Variants in WDR27 observed in about 807,000 individuals in gnomAD.
WDR27 encodes the protein WD repeat-containing protein 27.
A neutral mutation model predicts 114.4 loss-of-function variants in WDR27; 100 were observed. That is an observed-to-expected ratio of 0.87 (90% confidence interval 0.74 to 1.03). The LOEUF is 1.03. Ranked by LOEUF, WDR27 falls within the 50% of genes least tolerant of loss-of-function variation. The pLI, the probability that WDR27 is intolerant of heterozygous loss-of-function variation, is 0.00. For missense variants in WDR27, 1,129 were observed against 1,092.9 expected (o/e 1.03, Z -0.47); for synonymous variants, 449 against 423.1 (o/e 1.06, Z -0.75).
At chr6:169,674,607 T>G (rs1053820774) in intron 2 of WDR27, among the ~76,000 whole-genome samples, 1 of 152,198 alleles carries the variant, frequency 6.6e-6, no homozygotes, top group African/African-American at 2.4e-5. Flanking sequence ...TGACCTGACA[T>G]ACATGTAAGC....
At chr6:169,595,264 G>T (rs1380818109) in intron 23 of WDR27, among the ~76,000 whole-genome samples, 4 of 152,210 alleles carry the variant, frequency 2.6e-5, no homozygotes, top group Non-Finnish European at 5.9e-5. Flanking sequence ...ATGTATGGCA[G>T]TTTACGGTTT....
chr6:169,572,682 A>C (rs918337364), intron 24 of WDR27, 142 bp from the exon 25 acceptor site: 3 of 152,450 alleles, frequency 2.0e-5, no homozygotes, highest in Middle Eastern at 3.4e-3. Context: ...TAACAAACGT[A>C]ATGCAAGTGT....
Position 169,561,824 on chromosome 6 carries a change from C to T in WDR27, c.2645+10595G>A, listed in dbSNP as rs145643701. On this transcript the variant is annotated intron_variant, in intron 25 of 25. Coordinates refer to ENST00000448612, the MANE Select transcript of WDR27 (RefSeq NM_182552.5). ...AATTAAATACAGCCTATAAGAAATG[C>T]ACTTCAAACAAAGAGACCCAAATAG... Among the ~76,000 whole-genome samples, 1,238 of 152,234 alleles carry T rather than the reference C, an allele frequency of 8.1e-3. 4 individuals carry two copies. The highest frequency in any genetic ancestry group is 0.012 in the Non-Finnish European group (849 of 68,002).
chr6:169,596,000 T>G (rs574554971), intron 23 of WDR27, among the ~76,000 whole-genome samples: 18 of 152,120 alleles, frequency 1.2e-4, no homozygotes, highest in Non-Finnish European at 2.5e-4. Context: ...TGATACTCTT[T>G]CCCTTATAAG....
At chr6:169,570,743 T>C (rs1236704401) in intron 25 of WDR27, among the ~76,000 whole-genome samples, 1 of 152,114 alleles carries the variant, frequency 6.6e-6, no homozygotes, top group Non-Finnish European at 1.5e-5. Context: ...GCAGGAGAAT[T>C]GCTTAAACCT....
chr6:169,586,251 G>A (rs374783694), intron 23 of WDR27, among the ~76,000 whole-genome samples: 7 of 152,220 alleles, frequency 4.6e-5, no homozygotes, highest in South Asian at 2.1e-4. Context: ...CATAAATCCC[G>A]TGAGGTCATG....
chr6:169,537,961 T>C (rs750303843), intron 25 of WDR27, among the ~76,000 whole-genome samples: 30 of 151,780 alleles, frequency 2.0e-4, no homozygotes, highest in Non-Finnish European at 4.4e-4. Flanking sequence ...GATATCACTA[T>C]ATATTGAAGC....
chr6:169,651,901 C>G lies in WDR27; in HGVS notation c.1481+29G>C, dbSNP rs1822683124. 10 of 1,601,668 alleles carry G rather than the reference C, an allele frequency of 6.2e-6. No individual in the cohort carries two copies. In the East Asian group the frequency reaches 2.2e-4, roughly 36 times the overall value. On this transcript the variant is annotated intron_variant, in intron 14 of 25. Transcript: ENST00000448612. ...CTGCATCTGTGACGCAGGTGCATTT[C>G]TGTCTCTCATTGACATGAGTTCACT...
At chr6:169,636,314 AT>A in intron 19 of WDR27, 56 bp downstream of exon 19, 1 of 1,586,466 alleles carries the variant, frequency 6.3e-7, no homozygotes, top group Non-Finnish European at 8.6e-7. Flanking sequence ...TCAACATCAC[AT>A]TATTGAAACA....
intron 25 of WDR27, among the ~76,000 whole-genome samples, chr6:169,540,774 G>C (rs1208017175): frequency 6.6e-6 from 1 of 152,016 alleles, no homozygotes; most frequent in Non-Finnish European, 1.5e-5. Context: ...AAAATTTTCT[G>C]TCCACCTGCA....
intron 13 of WDR27, among the ~76,000 whole-genome samples, chr6:169,657,035 G>T (rs912932678): frequency 6.6e-6 from 1 of 152,096 alleles, no homozygotes; most frequent in Admixed American, 6.5e-5. Flanking sequence ...AGCATAAACC[G>T]GCAGGAGACG....
chr6:169,538,737 A>ACACACACAC lies in WDR27; in HGVS notation c.2645+33681_2645+33682insGTGTGTGTG, dbSNP rs1584064726. On this transcript the variant is annotated intron_variant, in intron 25 of 25. Transcript: ENST00000448612. ...ACACACACACACACACACACACACA[A>ACACACACAC]ACACACTTATATATATATATGTGCA... Among the ~76,000 whole-genome samples, 13 of 120,864 alleles carry ACACACACAC rather than the reference A, an allele frequency of 1.1e-4. 1 individual carries two copies. The highest frequency in any genetic ancestry group is 5.4e-4 in the East Asian group (1 of 1,840). 79.3% of individuals were successfully genotyped at this position (120,864 alleles called of 152,430 possible). A position where few individuals can be genotyped will look rare whatever the true frequency, so the allele number is the denominator to read the frequency against.
At position 169,457,378 on chromosome 6, in the gene WDR27, A is replaced by AGG. The variant is rs1247271069; in HGVS notation, c.*212_*213dup. 9.5e-6 allele frequency: 4 copies of AGG among 422,422 alleles called. No individual in the cohort carries two copies. The highest frequency in any genetic ancestry group is 1.7e-5 in the Non-Finnish European group (4 of 233,720). The allele number at this position is 422,422 out of a possible 1,614,324, so 26.2% of individuals were successfully genotyped here. ...GACGCCATTTCCATTTTCCCAATGA[A>AGG]GGGGATCCCTTTTGAGGAGCAGAAA... On this transcript the variant is annotated 3_prime_UTR_variant, in exon 26 of 26. Coordinates refer to ENST00000448612, the MANE Select transcript of WDR27 (RefSeq NM_182552.5).
At chr6:169,430,545 C>T in the WDR27 span, among the ~76,000 whole-genome samples, 2 of 152,178 alleles carry the variant, frequency 1.3e-5, no homozygotes, top group Non-Finnish European at 2.9e-5. Context: ...CATTATATGT[C>T]CTGAATGAGG....
chr6:169,436,063 T>C, the WDR27 span, among the ~76,000 whole-genome samples: 1 of 152,226 alleles, frequency 6.6e-6, no homozygotes, highest in Non-Finnish European at 1.5e-5. Context: ...TTTTTAAATC[T>C]CTGTATGTTA....
At chr6:169,516,503 G>C (rs993189875) in intron 25 of WDR27, among the ~76,000 whole-genome samples, 1 of 152,126 alleles carries the variant, frequency 6.6e-6, no homozygotes, top group East Asian at 1.9e-4. Context: ...GGGAATGGGC[G>C]GTGGGGACAT....
intron 25 of WDR27, among the ~76,000 whole-genome samples, chr6:169,570,721 C>A (rs1243449850): frequency 3.9e-5 from 6 of 152,202 alleles, no homozygotes; most frequent in Non-Finnish European, 5.9e-5. Context: ...CCCAACTACT[C>A]GGGAGGCTGC....
At chr6:169,482,839 C>A (rs891403286) in intron 25 of WDR27, among the ~76,000 whole-genome samples, 2 of 152,196 alleles carry the variant, frequency 1.3e-5, no homozygotes, top group Non-Finnish European at 2.9e-5. Context: ...ACTACTCTCT[C>A]TGACCATGGC....
At chr6:169,445,733 C>A in the WDR27 span, among the ~76,000 whole-genome samples, 3 of 152,284 alleles carry the variant, frequency 2.0e-5, no homozygotes, top group African/African-American at 7.2e-5. Flanking sequence ...ACTGCACCTG[C>A]GCTCTGCAGT....
Sources: allele counts gnomAD v4.1 joint callset (sites outside exome capture counted in the v4.1 genomes callset), GRCh38; gene constraint gnomAD v4.1.1; transcripts MANE v1.5; gene names NCBI Gene and HGNC (gene_info 2026-07-23, HGNC 2026-07-21).